The following BBOF1 variants were observed in gnomAD, a reference collection of about 807,000 sequenced individuals.
The protein encoded by BBOF1 is basal body-orientation factor 1.
Under a neutral mutation model 68.0 loss-of-function variants are expected in BBOF1, and 62 were observed. That is an observed-to-expected ratio of 0.91 (90% CI 0.74 to 1.13). The LOEUF (loss-of-function observed/expected upper bound fraction) is 1.13. Among genes scored for constraint, BBOF1 ranks in the 50% most tolerant of loss-of-function variants. The pLI, the probability that BBOF1 is intolerant of heterozygous loss-of-function variation, is 0.00. For synonymous variants in BBOF1, 208 were observed against 198.8 expected, an observed-to-expected ratio of 1.05 and a Z score of -0.39; for missense variants, 534 against 600.1, an observed-to-expected ratio of 0.89 and a Z score of 1.15.
chr14:74,036,925 T>C (rs1370158335), intron 4 of BBOF1, among the ~76,000 whole-genome samples: 2 of 151,734 alleles, frequency 1.3e-5, no homozygotes, highest in South Asian at 2.1e-4. Context: ...AATATATTCC[T>C]GGTAGATCTT....
Position 74,060,627 on chromosome 14 carries a change from TAAAC to T in BBOF1, c.1578+3374_1578+3377del, listed in dbSNP as rs552713614. 128 of 1,570,690 alleles carry T rather than the reference TAAAC, an allele frequency of 8.1e-5. No individual in the cohort carries two copies. In the East Asian group the frequency reaches 2.0e-3, roughly 25 times the overall value. On this transcript the variant is annotated intron_variant, in intron 11 of 11. Transcript: ENST00000394009. ...AGATTACTCAGGATGGAGTCAGTCT[TAAAC>T]AAACTTGTTTCTAACGGCCCATGGT...
At chr14:74,060,328 T>C (rs2060312488) in intron 11 of BBOF1, 16 of 335,882 alleles carry the variant, frequency 4.8e-5, no homozygotes, top group South Asian at 4.1e-4. Context: ...ACACTGGCTT[T>C]TCTCCCCTTC....
Position 74,064,685 on chromosome 14 carries a change from T to C in BBOF1, c.1579-3T>C. ...ATTTTGTTAACTTTTAAATCTTTTT[T>C]AGGGAACCTTCTGAGAAGCACTGAT... On this transcript the variant is annotated splice_region_variant and splice_polypyrimidine_tract_variant and intron_variant, in intron 11 of 11. Coordinates refer to ENST00000394009, the MANE Select transcript of BBOF1 (RefSeq NM_025057.3). The C allele has an allele frequency of 6.2e-7, 1 of 1,614,150 alleles. No individual in the cohort carries two copies. The highest frequency in any genetic ancestry group is 8.5e-7 in the Non-Finnish European group (1 of 1,179,994).
intron 4 of BBOF1, among the ~76,000 whole-genome samples, chr14:74,038,862 C>T (rs1345148601): frequency 2.0e-5 from 3 of 151,572 alleles, no homozygotes; most frequent in Non-Finnish European, 4.4e-5. Context: ...TTCACTCCAG[C>T]CTGGGAAACA....
chr14:74,030,531 T>C lies in BBOF1; in HGVS notation c.351+1282T>C, dbSNP rs1266347707. ...TTTTTTTTTAGATGGAGTCTCGCTC[T>C]GTCGCCCAGGCTGGAGTGCAGTGGC... On this transcript the variant is annotated intron_variant, in intron 3 of 11. Coordinates refer to ENST00000394009, the MANE Select transcript of BBOF1 (RefSeq NM_025057.3). Among the ~76,000 whole-genome samples the C allele has an allele frequency of 2.6e-5, 4 of 152,082 alleles. No individual in the cohort carries two copies. The South Asian group carries it at 6.2e-4, about 24-fold the overall frequency.
At chr14:74,041,901 G>T (rs575433019) in intron 5 of BBOF1, among the ~76,000 whole-genome samples, 1 of 152,100 alleles carries the variant, frequency 6.6e-6, no homozygotes, top group Non-Finnish European at 1.5e-5. Flanking sequence ...GCCAGGCATG[G>T]TGGTGTGCAC....
rs747751552 is a variant in BBOF1 at position 74,019,498 on chromosome 14, A to G, written c.20A>G (p.Asp7Gly). 1.2e-6 allele frequency: 2 copies of G among 1,606,214 alleles called. No individual in the cohort carries two copies. Among genetic ancestry groups the G allele is most frequent in the Admixed American group, 1.7e-5 (1 of 59,056 alleles). MPSKGK[D>G]KKKGKSKGKD... ...GCCAAGATGCCGTCGAAGGGAAAGG[A>G]CAAAAAGAAAGGCAAGAGCAAAGGC... The change falls in exon 1 of 12, where the codon GAC becomes GGC. Residue 7 changes from aspartate (D) to glycine (G), a missense_variant. Transcript: ENST00000394009.
intron 9 of BBOF1, chr14:74,072,150 A>G: frequency 6.2e-7 from 1 of 1,613,240 alleles, no homozygotes; most frequent in Non-Finnish European, 8.5e-7. Flanking sequence ...TGTGAGAGTG[A>G]CAAACATGCC....
chr14:74,056,740 CA>C, intron 9 of BBOF1, 165 bp from the exon 10 acceptor site: 1 of 584,510 alleles, frequency 1.7e-6, no homozygotes, highest in Non-Finnish European at 3.0e-6. Context: ...GATTATTTCA[CA>C]TTGCATGCCT....
chr14:74,020,831 C>T (rs1453720903), intron 1 of BBOF1, among the ~76,000 whole-genome samples: 1 of 152,164 alleles, frequency 6.6e-6, no homozygotes, highest in Admixed American at 6.6e-5. Context: ...CCACTCAGAC[C>T]TGATACCTGG....
At position 74,055,626 on chromosome 14, in the gene BBOF1, G is replaced by A. The variant is rs2060179558; in HGVS notation, c.1329G>A (p.Trp443Ter). The change falls in exon 9 of 12, where the codon TGG becomes TGA. Residue 443 changes from tryptophan (W) to a stop codon, truncating the protein, a stop_gained. Coordinates refer to ENST00000394009, the MANE Select transcript of BBOF1 (RefSeq NM_025057.3). LOFTEE classifies it high-confidence loss of function. ...EGNVDIGDLTWEQKEKVLRLL... is the reference protein window; with the variant it reads ...EGNVDIGDLT ...ATGTGGATATTGGAGATTTGACCTGGGAGCAGAAGGAAAAAGTATTGCGAT... is the reference window on the plus strand; with the variant it reads ...ATGTGGATATTGGAGATTTGACCTGAGAGCAGAAGGAAAAAGTATTGCGAT... 1.2e-6 allele frequency: 2 copies of A among 1,613,850 alleles called. No individual in the cohort carries two copies. Among genetic ancestry groups the A allele is most frequent in the Non-Finnish European group, 1.7e-6 (2 of 1,179,886 alleles).
At chr14:74,078,614 A>G (rs1475647222) in intron 10 of BBOF1, among the ~76,000 whole-genome samples, 1 of 151,808 alleles carries the variant, frequency 6.6e-6, no homozygotes, top group East Asian at 1.9e-4. Flanking sequence ...TGCAACCTCC[A>G]CCTCCCGGGT....
At chr14:74,060,330 C>G (rs933189081) in intron 11 of BBOF1, 11 of 336,344 alleles carry the variant, frequency 3.3e-5, no homozygotes, top group South Asian at 2.9e-4. Context: ...ACTGGCTTTT[C>G]TCCCCTTCAA....
At chr14:74,023,181 A>C (rs200012504) in intron 2 of BBOF1, 37 bp downstream of exon 2, 3 of 1,187,096 alleles carry the variant, frequency 2.5e-6, no homozygotes, top group African/African-American at 3.1e-5. Flanking sequence ...CTCATTAACT[A>C]CCTCTATGGT....
downstream of BBOF1, chr14:74,067,013 C>T (rs981391009): frequency 3.4e-6 from 3 of 893,316 alleles, no homozygotes; most frequent in South Asian, 4.3e-5. Flanking sequence ...CCCAGGAGTT[C>T]CAGACCAGCC....
At chr14:74,066,826 C>T, downstream of BBOF1, 1 of 1,614,064 alleles carries the variant, frequency 6.2e-7, no homozygotes, top group Non-Finnish European at 8.5e-7. Context: ...AATCAGATTA[C>T]AGACTCGCTC....
At chr14:74,072,505 A>G (rs2060563921) in intron 9 of BBOF1, 2 of 1,614,014 alleles carry the variant, frequency 1.2e-6, no homozygotes, top group African/African-American at 1.3e-5. Context: ...TTCTAGGCTC[A>G]TAAGTTGAAG....
At chr14:74,044,400 C>T (rs970075539) in intron 5 of BBOF1, among the ~76,000 whole-genome samples, 1 of 151,618 alleles carries the variant, frequency 6.6e-6, no homozygotes, top group African/African-American at 2.4e-5. Flanking sequence ...TGTATAGCAT[C>T]AGATTGCCTG....
intron 5 of BBOF1, among the ~76,000 whole-genome samples, chr14:74,043,850 A>G (rs555123647): frequency 6.6e-6 from 1 of 151,722 alleles, no homozygotes; most frequent in South Asian, 2.1e-4. Flanking sequence ...CCATATTTTT[A>G]TATTGCTAGT....
Sources: gnomAD v4.1 joint callset for allele counts (sites outside exome capture counted in the v4.1 genomes callset) on GRCh38, gnomAD v4.1.1 for gene constraint, MANE v1.5 for transcripts, NCBI Gene and HGNC (gene_info 2026-07-23, HGNC 2026-07-21) for gene names.